The following GPR149 variants were observed in gnomAD, a reference collection of about 807,000 sequenced individuals.
The protein encoded by GPR149 is probable G protein-coupled receptor 149.
In GPR149, 50 loss-of-function variants were observed where a neutral mutation model predicts 50.2. That is an observed-to-expected ratio of 1.00 (90% CI 0.79 to 1.26). The LOEUF (loss-of-function observed/expected upper bound fraction) is 1.26, where lower values mean the gene tolerates loss of function less well. Ranked by LOEUF, GPR149 falls within the 50% of genes most tolerant of loss-of-function variation. The pLI is 0.00. For synonymous variants in GPR149, 405 were observed against 358.2 expected (o/e 1.13, Z -1.48); for missense variants, 983 against 895.4 (o/e 1.10, Z -1.25).
chr3:154,347,600 A>G (rs1451357100), intron 3 of GPR149, among the ~76,000 whole-genome samples: 2 of 152,258 alleles, frequency 1.3e-5, no homozygotes, highest in Non-Finnish European at 2.9e-5. Flanking sequence ...TGCGAAATAT[A>G]TAATATAATC....
chr3:154,337,719 C>T lies in GPR149; in HGVS notation c.2176G>A (p.Glu726Lys), dbSNP rs1456827213. ...LLNKAYRKRE[E>K]ESKGS is the part of the protein sequence containing the mutation. ...ACCCACTAACTACCCTTGCTTTCTTCCTCTCTTTTTCTGTAAGCTTTATTT... is the reference window on the plus strand; with the variant it reads ...ACCCACTAACTACCCTTGCTTTCTTTCTCTCTTTTTCTGTAAGCTTTATTT... The change falls in exon 4 of 4, where the codon GAA (glutamate) becomes AAA (lysine). Residue 726 changes from glutamate (E) to lysine (K), a missense_variant. Glu to Lys is a moderately conservative substitution (Grantham distance 56). Coordinates refer to ENST00000389740, the MANE Select transcript of GPR149 (RefSeq NM_001038705.3). 11 of 1,601,876 alleles carry T rather than the reference C, an allele frequency of 6.9e-6. No individual in the cohort carries two copies. The highest frequency in any genetic ancestry group is 9.4e-6 in the Non-Finnish European group (11 of 1,174,194).
At chr3:154,394,492 A>G (rs1715245109) in intron 3 of GPR149, among the ~76,000 whole-genome samples, 1 of 152,106 alleles carries the variant, frequency 6.6e-6, no homozygotes, top group African/African-American at 2.4e-5. Context: ...CAATGATTTC[A>G]TGGATGTAAT....
At chr3:154,368,657 G>A (rs1460894393) in intron 3 of GPR149, among the ~76,000 whole-genome samples, 1 of 152,180 alleles carries the variant, frequency 6.6e-6, no homozygotes, top group Non-Finnish European at 1.5e-5. Context: ...TTGGGACACA[G>A]GATACTGGTA....
chr3:154,376,718 C>T (rs1009997100), intron 3 of GPR149, among the ~76,000 whole-genome samples: 1 of 152,140 alleles, frequency 6.6e-6, no homozygotes, highest in African/African-American at 2.4e-5. Context: ...ATATACATGT[C>T]TATTATAACA....
chr3:154,348,074 A>T (rs1450281294), intron 3 of GPR149, among the ~76,000 whole-genome samples: 3 of 152,188 alleles, frequency 2.0e-5, no homozygotes, highest in Non-Finnish European at 4.4e-5. Context: ...TGATTAGGGG[A>T]GTGCCTCATA....
intron 3 of GPR149, among the ~76,000 whole-genome samples, chr3:154,403,811 A>C (rs747812426): frequency 6.6e-6 from 1 of 151,652 alleles, no homozygotes; most frequent in Non-Finnish European, 1.5e-5. Flanking sequence ...AGCTGCCAGC[A>C]TGTAAATATG....
At chr3:154,359,966 C>T (rs1471596519) in intron 3 of GPR149, among the ~76,000 whole-genome samples, 1 of 151,964 alleles carries the variant, frequency 6.6e-6, no homozygotes, top group African/African-American at 2.4e-5. Flanking sequence ...AGACAACAGT[C>T]ACAGATTCAC....
At chr3:154,405,634 A>G (rs1346343870) in intron 3 of GPR149, among the ~76,000 whole-genome samples, 2 of 150,944 alleles carry the variant, frequency 1.3e-5, no homozygotes, top group South Asian at 2.1e-4. Flanking sequence ...AGATCCAAGT[A>G]GATATAGAAA....
intron 3 of GPR149, among the ~76,000 whole-genome samples, chr3:154,403,503 A>C (rs1711599964): frequency 6.6e-6 from 1 of 152,170 alleles, no homozygotes; most frequent in Admixed American, 6.5e-5. Flanking sequence ...AGTTAGAGGT[A>C]GAACCAGATT....
chr3:154,339,171 C>A (rs747296673), intron 3 of GPR149, among the ~76,000 whole-genome samples: 1 of 152,170 alleles, frequency 6.6e-6, no homozygotes, highest in Non-Finnish European at 1.5e-5. Flanking sequence ...AACCCAGCAT[C>A]GTCAGCAGCT....
chr3:154,371,355 A>G (rs1002691237), intron 3 of GPR149, among the ~76,000 whole-genome samples: 2 of 152,076 alleles, frequency 1.3e-5, no homozygotes, highest in Admixed American at 1.3e-4. Flanking sequence ...TCTCCTTTCT[A>G]GCACCTCCCA....
intron 3 of GPR149, among the ~76,000 whole-genome samples, chr3:154,363,775 C>T (rs1017507870): frequency 6.6e-6 from 1 of 152,084 alleles, no homozygotes; most frequent in Non-Finnish European, 1.5e-5. Flanking sequence ...GTGCTTTTTC[C>T]AAGACCAGCC....
intron 3 of GPR149, among the ~76,000 whole-genome samples, chr3:154,356,501 A>G (rs577842886): frequency 6.6e-6 from 1 of 152,328 alleles, no homozygotes; most frequent in South Asian, 2.1e-4. Context: ...TACAAAATCA[A>G]TGTGCAAAAA....
chr3:154,396,837 A>T (rs1715304319), intron 3 of GPR149, among the ~76,000 whole-genome samples: 1 of 151,670 alleles, frequency 6.6e-6, no homozygotes, highest in Non-Finnish European at 1.5e-5. Flanking sequence ...AGGTTAAAAA[A>T]AATAGATGGT....
chr3:154,345,740 C>T (rs962525393), intron 3 of GPR149, among the ~76,000 whole-genome samples: 42 of 152,238 alleles, frequency 2.8e-4, no homozygotes, highest in African/African-American at 9.1e-4. Context: ...AAAAGAGTTG[C>T]AGCAAAATTT....
At chr3:154,396,451 C>G (rs1254714992) in intron 3 of GPR149, among the ~76,000 whole-genome samples, 1 of 152,088 alleles carries the variant, frequency 6.6e-6, no homozygotes, top group East Asian at 1.9e-4. Flanking sequence ...GACTTCGTTA[C>G]TCTTCTTTTG....
chr3:154,344,096 T>C lies in GPR149; in HGVS notation c.1624-5825A>G, dbSNP rs1054235790. On this transcript the variant is annotated intron_variant, in intron 3 of 3. Coordinates refer to ENST00000389740, the MANE Select transcript of GPR149 (RefSeq NM_001038705.3). The stretch of plus-strand genomic sequence containing the variant: ...AAGTGATTAAATAATCCTATGGTTC[T>C]AGTAAGACAAATATTTATAGCACTC... Among the ~76,000 whole-genome samples the C allele has an allele frequency of 3.9e-5, 6 of 152,368 alleles. No homozygotes were observed. In the South Asian group the frequency reaches 6.2e-4, roughly 16 times the overall value.
chr3:154,339,603 G>A (rs760266033), intron 3 of GPR149, among the ~76,000 whole-genome samples: 1 of 152,098 alleles, frequency 6.6e-6, no homozygotes, highest in Non-Finnish European at 1.5e-5. Context: ...CAAATGGGCA[G>A]GAGTCGGGGC....
chr3:154,353,782 G>A (rs181195545), intron 3 of GPR149: 2 of 728,290 alleles, frequency 2.7e-6, no homozygotes, highest in Admixed American at 4.0e-5. Flanking sequence ...TGTCTTTCCT[G>A]TTCCTGTCCA....
Sources: gnomAD v4.1 joint callset for allele counts (sites outside exome capture counted in the v4.1 genomes callset) on GRCh38, gnomAD v4.1.1 for gene constraint, MANE v1.5 for transcripts, NCBI Gene and HGNC (gene_info 2026-07-23, HGNC 2026-07-21) for gene names.